Variants in SLC2A13 observed in about 807,000 individuals in gnomAD.
SLC2A13 encodes the protein solute carrier family 2 member 13.
In SLC2A13, 32 loss-of-function variants were observed where a neutral mutation model predicts 64.4. That is an observed-to-expected ratio of 0.50 (90% CI 0.37 to 0.67). The LOEUF (loss-of-function observed/expected upper bound fraction) is 0.67. Ranked by LOEUF, SLC2A13 falls within the 30% of genes least tolerant of loss-of-function variation. The pLI is 0.00. For synonymous variants in SLC2A13, 338 were observed against 327.1 expected (o/e 1.03, Z -0.36); for missense variants, 743 against 829.2 (o/e 0.90, Z 1.28).
chr12:39,958,802 G>A (rs1200356043), intron 3 of SLC2A13, among the ~76,000 whole-genome samples: 4 of 151,796 alleles, frequency 2.6e-5, no homozygotes, highest in Non-Finnish European at 5.9e-5. Flanking sequence ...CTTCTGCTTG[G>A]GATCCCATCC....
At chr12:40,041,956 T>C (rs1433073719) in intron 2 of SLC2A13, among the ~76,000 whole-genome samples, 1 of 152,082 alleles carries the variant, frequency 6.6e-6, no homozygotes, top group Non-Finnish European at 1.5e-5. Flanking sequence ...TCCTCCCTGA[T>C]CCTACCCCCT....
chr12:40,074,570 A>T (rs1406384655), intron 1 of SLC2A13, among the ~76,000 whole-genome samples: 1 of 152,138 alleles, frequency 6.6e-6, no homozygotes, highest in Non-Finnish European at 1.5e-5. Flanking sequence ...TGTCCTTGCA[A>T]GCTATTTTAT....
At chr12:39,893,150 GA>G (rs1360730312) in intron 4 of SLC2A13, among the ~76,000 whole-genome samples, 1 of 152,036 alleles carries the variant, frequency 6.6e-6, no homozygotes, top group Non-Finnish European at 1.5e-5. Context: ...TCAAAAATAA[GA>G]AAGCAACAAC....
At chr12:40,068,498 G>A in intron 1 of SLC2A13, 1 of 271,350 alleles carries the variant, frequency 3.7e-6, no homozygotes, top group Non-Finnish European at 7.4e-6. Flanking sequence ...GAATCTGCTT[G>A]TACCCCAGGA....
At chr12:39,850,799 C>T (rs115100101) in intron 6 of SLC2A13, among the ~76,000 whole-genome samples, 29 of 152,030 alleles carry the variant, frequency 1.9e-4, no homozygotes, top group South Asian at 1.0e-3. Context: ...TTATATCACA[C>T]GGAATTTTTG....
In SLC2A13 at chr12:40,094,812, A is replaced by G. The variant is rs76506056; in HGVS notation, c.556+10441T>C. Among the ~76,000 whole-genome samples, 1,158 of 152,390 alleles carry G rather than the reference A, an allele frequency of 7.6e-3. 14 individuals carry two copies. Among genetic ancestry groups the G allele is most frequent in the African/African-American group, 0.026 (1,096 of 41,598 alleles). ...ACAGCATGTGTCCATGCTTATGGGA[A>G]TAACCCAGTAGAAGAAGAAATTTTA... is the stretch of plus-strand genomic sequence containing the variant. On this transcript the variant is annotated intron_variant, in intron 1 of 9. Coordinates refer to ENST00000280871, the MANE Select transcript of SLC2A13 (RefSeq NM_052885.4).
intron 1 of SLC2A13, among the ~76,000 whole-genome samples, chr12:40,070,071 G>A (rs985540338): frequency 3.7e-4 from 56 of 151,514 alleles, no homozygotes; most frequent in African/African-American, 1.3e-3. Context: ...AACGGAATAT[G>A]ATATAACCTA....
At chr12:40,000,658 C>T (rs927281580) in intron 3 of SLC2A13, among the ~76,000 whole-genome samples, 7 of 152,192 alleles carry the variant, frequency 4.6e-5, no homozygotes, top group African/African-American at 1.2e-4. Flanking sequence ...TAGCCACCTT[C>T]CCGCAGTATC....
rs1940048447 is a variant in SLC2A13, at chr12:39,759,182, C to CT, written c.*843dup. 6.6e-6 allele frequency: 1 copy of CT among 152,476 alleles called. No homozygotes were observed. The highest frequency in any genetic ancestry group is 1.5e-5 in the Non-Finnish European group (1 of 67,932). The allele number at this position is 152,476 out of a possible 1,614,324, so 9.4% of individuals were successfully genotyped here. On this transcript the variant is annotated 3_prime_UTR_variant, in exon 10 of 10. Transcript: ENST00000280871. Reference sequence around the variant, plus strand: ...CTGACCCTGATATACAGTTAAAGATCTGGCACTATTTTGCATTTATAATTG... The same window carrying CT: ...CTGACCCTGATATACAGTTAAAGATCTTGGCACTATTTTGCATTTATAATTG...
chr12:40,003,012 G>C (rs921895374), intron 3 of SLC2A13, among the ~76,000 whole-genome samples: 4 of 152,162 alleles, frequency 2.6e-5, no homozygotes, highest in African/African-American at 7.2e-5. Flanking sequence ...AGGCGTATTG[G>C]TCACTGGCTC....
chr12:39,895,159 G>C (rs1406872573), intron 4 of SLC2A13, among the ~76,000 whole-genome samples: 1 of 151,966 alleles, frequency 6.6e-6, no homozygotes, highest in Non-Finnish European at 1.5e-5. Context: ...GCATATCACT[G>C]TGCCCAGCCA....
intron 4 of SLC2A13, among the ~76,000 whole-genome samples, chr12:39,938,341 G>A (rs557943783): frequency 6.6e-6 from 1 of 151,804 alleles, no homozygotes; most frequent in Non-Finnish European, 1.5e-5. Context: ...AACACCAAAG[G>A]TTGTATTAAT....
intron 3 of SLC2A13, among the ~76,000 whole-genome samples, chr12:39,952,924 G>A (rs1338506748): frequency 6.6e-6 from 1 of 151,900 alleles, no homozygotes; most frequent in Non-Finnish European, 1.5e-5. Context: ...AAATAAGCAA[G>A]GCACTACCTT....
chr12:39,882,439 A>G (rs1395202736), intron 4 of SLC2A13, among the ~76,000 whole-genome samples: 2 of 152,128 alleles, frequency 1.3e-5, no homozygotes, highest in Non-Finnish European at 2.9e-5. Flanking sequence ...ATAAATTCCA[A>G]CTCTACCTAT....
intron 5 of SLC2A13, among the ~76,000 whole-genome samples, 170 bp from the exon 6 acceptor site, chr12:39,865,052 C>T (rs1943871444): frequency 6.6e-6 from 1 of 152,086 alleles, no homozygotes; most frequent in Non-Finnish European, 1.5e-5. Context: ...AATGTATAAA[C>T]AAATTATCAG....
intron 4 of SLC2A13, among the ~76,000 whole-genome samples, chr12:39,879,898 G>A (rs1944297408): frequency 6.6e-6 from 1 of 152,174 alleles, no homozygotes; most frequent in East Asian, 1.9e-4. Context: ...CAAATCTCAT[G>A]TTGAATTGTA....
At chr12:39,796,025 G>T (rs888376652) in intron 7 of SLC2A13, among the ~76,000 whole-genome samples, 1 of 152,026 alleles carries the variant, frequency 6.6e-6, no homozygotes, top group African/African-American at 2.4e-5. Context: ...ACAGCCATTA[G>T]CAGTCACTCC....
chr12:39,866,297 T>C (rs897801372), intron 5 of SLC2A13, among the ~76,000 whole-genome samples: 1 of 152,182 alleles, frequency 6.6e-6, no homozygotes, highest in Non-Finnish European at 1.5e-5. Context: ...GCATTATGGG[T>C]ACAGAGGTGA....
intron 7 of SLC2A13, among the ~76,000 whole-genome samples, chr12:39,815,239 C>T (rs1186878351): frequency 6.6e-6 from 1 of 151,836 alleles, no homozygotes; most frequent in Non-Finnish European, 1.5e-5. Context: ...TCCCATATGC[C>T]CAAATATGAA....
Sources: allele counts gnomAD v4.1 joint callset (sites outside exome capture counted in the v4.1 genomes callset), GRCh38; gene constraint gnomAD v4.1.1; transcripts MANE v1.5; gene names NCBI Gene and HGNC (gene_info 2026-07-23, HGNC 2026-07-21).